ZNF761: variants seen among roughly 807,000 people sequenced by gnomAD.
ZNF761 encodes the protein zinc finger protein 761.
A neutral mutation model predicts 59.9 loss-of-function variants in ZNF761; 43 were observed. That is an observed-to-expected ratio of 0.72 (90% CI 0.56 to 0.92). The LOEUF (loss-of-function observed/expected upper bound fraction) is 0.92, where lower values mean the gene tolerates loss of function less well. Among genes scored for constraint, ZNF761 ranks in the 40% least tolerant of loss-of-function variants. The pLI, the probability that ZNF761 is intolerant of heterozygous loss-of-function variation, is 0.00. For missense variants in ZNF761, 850 were observed against 906.1 expected (o/e 0.94, Z 0.79); for synonymous variants, 294 against 304.8 (o/e 0.96, Z 0.37).
rs773752751 is a variant in ZNF761 at position 53,454,782 on chromosome 19, A to T, written c.275A>T (p.Lys92Ile). The T allele has an allele frequency of 1.7e-5, 27 of 1,614,060 alleles. No individual in the cohort carries two copies. The highest frequency in any genetic ancestry group is 2.3e-5 in the Non-Finnish European group (27 of 1,180,038). ...NGDFCYQDVDKDIHDYEFQWQ... is the reference protein window; with the variant it reads ...NGDFCYQDVDIDIHDYEFQWQ... ...GATTTTTGCTACCAGGATGTTGATAAAGATATTCATGACTATGAATTTCAA... is the reference window on the plus strand; with the variant it reads ...GATTTTTGCTACCAGGATGTTGATATAGATATTCATGACTATGAATTTCAA... The change falls in exon 5 of 5, where the codon AAA (lysine) becomes ATA (isoleucine). Residue 92 changes from lysine (K) to isoleucine (I), a missense_variant. Coordinates refer to ENST00000684525, the MANE Select transcript of ZNF761 (RefSeq NM_001289951.2).
chr19:53,437,147 C>G (rs1278477559), intron 1 of ZNF761, among the ~76,000 whole-genome samples: 1 of 152,036 alleles, frequency 6.6e-6, no homozygotes, highest in Non-Finnish European at 1.5e-5. Flanking sequence ...GACAACCCAT[C>G]TCTACTAAAA....
intron 1 of ZNF761, chr19:53,443,494 C>A (rs1764869740): frequency 6.6e-6 from 1 of 152,230 alleles, no homozygotes; most frequent in African/African-American, 2.4e-5. Flanking sequence ...TGGAAGCCCA[C>A]ACTATTAGTG....
chr19:53,446,203 T>A (rs953807714), intron 1 of ZNF761, 24 bp from the exon 2 acceptor site: 1 of 152,492 alleles, frequency 6.6e-6, no homozygotes, highest in Non-Finnish European at 1.5e-5. Context: ...CATCAGAATT[T>A]TTTTTTCTTT....
At chr19:53,435,616 G>C (rs571773325) in intron 1 of ZNF761, among the ~76,000 whole-genome samples, 66 of 152,146 alleles carry the variant, frequency 4.3e-4, no homozygotes, top group African/African-American at 1.6e-3. Flanking sequence ...ATAAGTACAA[G>C]TTCTTAAGTG....
At chr19:53,448,094 C>T (rs1437527327) in intron 3 of ZNF761, among the ~76,000 whole-genome samples, 3 of 152,130 alleles carry the variant, frequency 2.0e-5, no homozygotes, top group South Asian at 2.1e-4. Context: ...CTCCACCTTC[C>T]GGGTTCAAGT....
In ZNF761 at chr19:53,455,442, T is replaced by C. The variant is rs777673020; in HGVS notation, c.935T>C (p.Ile312Thr). The part of the protein sequence containing the change: ...ECDKAFHFKS[I>T]LERHRIIHTE... ...GACAAAGCTTTCCATTTCAAATCAA[T>C]ACTTGAAAGACATAGGATAATTCAT... Residue 312 changes from isoleucine (I) to threonine (T), a missense_variant, in exon 5 of 5, where the codon ATA becomes ACA. Coordinates refer to ENST00000684525, the MANE Select transcript of ZNF761 (RefSeq NM_001289951.2). 13 of 1,603,516 alleles carry C rather than the reference T, an allele frequency of 8.1e-6. No homozygotes were observed. Among genetic ancestry groups the C allele is most frequent in the Non-Finnish European group, 1.1e-5 (13 of 1,176,122 alleles).
Position 53,456,144 on chromosome 19 carries a change from G to C in ZNF761, c.1637G>C (p.Gly546Ala), listed in dbSNP as rs376647746. Residue 546 changes from glycine (G) to alanine (A), a missense_variant, in exon 5 of 5, where the codon GGA becomes GCA. By Grantham distance (60) the Gly-to-Ala change is moderately conservative. Coordinates refer to ENST00000684525, the MANE Select transcript of ZNF761 (RefSeq NM_001289951.2). ...ACCTGCCATCGTAGACTTCATTCTG[G>C]AGAGAAACCTTACAAGTGTAAGGAG... ...SLTCHRRLHSGEKPYKCKECG... is the reference protein window; with the variant it reads ...SLTCHRRLHSAEKPYKCKECG... 15 of 1,613,908 alleles carry C rather than the reference G, an allele frequency of 9.3e-6. No homozygotes were observed. Among genetic ancestry groups the C allele is most frequent in the African/African-American group, 1.3e-5 (1 of 74,876 alleles).
At chr19:53,453,362 T>C (rs1413553359) in intron 4 of ZNF761, among the ~76,000 whole-genome samples, 1 of 152,212 alleles carries the variant, frequency 6.6e-6, no homozygotes, top group Admixed American at 6.5e-5. Context: ...GTAGTGATCT[T>C]AACATGTATT....
In ZNF761 at chr19:53,457,619, G is replaced by A; in HGVS notation, c.*871G>A. ...CCATCAAGCATTAATTGACATTAGG[G>A]TCAATTCAGCATTGACTTGAGTTTG... On this transcript the variant is annotated 3_prime_UTR_variant, in exon 5 of 5. Coordinates refer to ENST00000684525, the MANE Select transcript of ZNF761 (RefSeq NM_001289951.2). The A allele has an allele frequency of 3.7e-6, 1 of 267,680 alleles. No homozygotes were observed. 16.6% of individuals were successfully genotyped at this position (267,680 alleles called of 1,614,324 possible). A position where few individuals can be genotyped will look rare whatever the true frequency, so the allele number is the denominator to read the frequency against.
At chr19:53,448,515 T>C (rs1157668180) in intron 3 of ZNF761, among the ~76,000 whole-genome samples, 5 of 152,360 alleles carry the variant, frequency 3.3e-5, no homozygotes, top group African/African-American at 1.2e-4. Context: ...CCCGTTCACG[T>C]GTATTTCTAC....
At chr19:53,433,466 CG>C (rs1190586208) in intron 1 of ZNF761, among the ~76,000 whole-genome samples, 1 of 29,916 alleles carries the variant, frequency 3.3e-5, no homozygotes, top group African/African-American at 3.7e-4. Flanking sequence ...TTCGCCAAGT[CG>C]AGCTTGCTAG....
In ZNF761 at chr19:53,456,799, G is replaced by C; in HGVS notation, c.*51G>C. ...CAAGCACACCTTGCAGGTCATCATA[G>C]AATTCATACTGGGGAGAAACCTTAG... On this transcript the variant is annotated 3_prime_UTR_variant, in exon 5 of 5. Coordinates refer to ENST00000684525, the MANE Select transcript of ZNF761 (RefSeq NM_001289951.2). 1 of 1,579,770 alleles carries C rather than the reference G, an allele frequency of 6.3e-7. No individual in the cohort carries two copies. Among genetic ancestry groups the C allele is most frequent in the African/African-American group, 1.3e-5 (1 of 74,254 alleles).
At chr19:53,432,191 G>T (rs2085977586) in intron 1 of ZNF761, among the ~76,000 whole-genome samples, 163 bp downstream of exon 1, 1 of 152,164 alleles carries the variant, frequency 6.6e-6, no homozygotes, top group African/African-American at 2.4e-5. Context: ...GTTCCTTTTG[G>T]GTTTAAGGTC....
At chr19:53,453,097 G>A (rs372390930) in intron 4 of ZNF761, among the ~76,000 whole-genome samples, 4 of 152,158 alleles carry the variant, frequency 2.6e-5, no homozygotes, top group African/African-American at 7.2e-5. Flanking sequence ...CACTTCCTGG[G>A]TTCAAATGAT....
intron 4 of ZNF761, 84 bp from the exon 5 acceptor site, chr19:53,454,566 T>TG (rs1456957590): frequency 1.5e-6 from 2 of 1,378,876 alleles, no homozygotes; most frequent in Non-Finnish European, 1.9e-6. Context: ...AAATAACTAT[T>TG]GTTTTTTGTG....
intron 1 of ZNF761, among the ~76,000 whole-genome samples, chr19:53,435,823 G>A (rs2042081191): frequency 6.6e-6 from 1 of 152,054 alleles, no homozygotes; most frequent in South Asian, 2.1e-4. Flanking sequence ...CCTGGCAGAG[G>A]AGGTTGAGCA....
intron 3 of ZNF761, among the ~76,000 whole-genome samples, chr19:53,448,963 G>A (rs1274336273): frequency 1.3e-5 from 2 of 152,162 alleles, no homozygotes; most frequent in East Asian, 3.9e-4. Context: ...ATCTTTCACT[G>A]TGAATGTTGT....
chr19:53,450,590 CTTCTT>C (rs1284013444), intron 4 of ZNF761, among the ~76,000 whole-genome samples: 6 of 152,046 alleles, frequency 3.9e-5, no homozygotes, highest in Non-Finnish European at 8.8e-5. Flanking sequence ...CTTTGACTCC[CTTCTT>C]TTATTTACTT....
At position 53,432,909 on chromosome 19, in the gene ZNF761, C is replaced by A. The variant is rs574885021; in HGVS notation, c.-185+881C>A. On this transcript the variant is annotated intron_variant, in intron 1 of 4. Transcript: ENST00000684525. ...GAGAGGGACAGCAAAGAGGGAGGCT[C>A]ATCAGGGTGAGGGAGAGGAGGAGGG... 3.1e-3 allele frequency among the ~76,000 whole-genome samples: 465 copies of A among 151,594 alleles called. 1 individual carries two copies. The highest frequency in any genetic ancestry group is 0.01 in the African/African-American group (424 of 41,226).
Sources: allele counts gnomAD v4.1 joint callset (sites outside exome capture counted in the v4.1 genomes callset), GRCh38; gene constraint gnomAD v4.1.1; transcripts MANE v1.5; gene names NCBI Gene and HGNC (gene_info 2026-07-23, HGNC 2026-07-21).